Variants in CDK19 observed in about 807,000 individuals in gnomAD.
The protein encoded by CDK19 is cyclin dependent kinase 19.
CDK19 carries 20 observed loss-of-function variants against 68.3 expected under a neutral mutation model. That is an observed-to-expected ratio of 0.29 (90% CI 0.21 to 0.43). The LOEUF is 0.43. Ranked by LOEUF, CDK19 falls within the 20% of genes least tolerant of loss-of-function variation. The pLI is 1.00. For synonymous variants in CDK19, 221 were observed against 222.8 expected, an observed-to-expected ratio of 0.99 and a Z score of 0.07; for missense variants, 339 against 623.5, an observed-to-expected ratio of 0.54 and a Z score of 4.86.
intron 1 of CDK19, among the ~76,000 whole-genome samples, chr6:110,802,195 G>A (rs947354563): frequency 1.3e-5 from 2 of 152,076 alleles, no homozygotes; most frequent in Non-Finnish European, 2.9e-5. Context: ...CTACCCAGAG[G>A]AAAAGAAATC....
At chr6:110,615,399 A>G (rs1778250284) in intron 12 of CDK19, among the ~76,000 whole-genome samples, 1 of 152,216 alleles carries the variant, frequency 6.6e-6, no homozygotes, top group African/African-American at 2.4e-5. Flanking sequence ...TCATCTATAG[A>G]ATAAGAACAG....
intron 2 of CDK19, among the ~76,000 whole-genome samples, chr6:110,743,116 C>T (rs965684421): frequency 2.0e-5 from 3 of 152,070 alleles, no homozygotes; most frequent in Admixed American, 6.6e-5. Context: ...AAAGAACATA[C>T]GTTGAAATAT....
At chr6:110,672,718 T>C (rs1322436806) in intron 2 of CDK19, among the ~76,000 whole-genome samples, 1 of 152,244 alleles carries the variant, frequency 6.6e-6, no homozygotes, top group Non-Finnish European at 1.5e-5. Context: ...GCACTTTGTT[T>C]GTTTTCTTAC....
At chr6:110,713,508 G>A (rs1421482038) in intron 2 of CDK19, among the ~76,000 whole-genome samples, 2 of 141,920 alleles carry the variant, frequency 1.4e-5, no homozygotes, top group Non-Finnish European at 3.0e-5. Context: ...CTGGGCTCAA[G>A]TGATCCTCTT....
intron 2 of CDK19, among the ~76,000 whole-genome samples, chr6:110,714,245 G>A (rs1487262961): frequency 6.6e-6 from 1 of 152,210 alleles, no homozygotes; most frequent in East Asian, 1.9e-4. Context: ...GTTCATCCAT[G>A]TGTGGCCAGT....
At chr6:110,659,592 A>T (rs1218777399) in intron 4 of CDK19, among the ~76,000 whole-genome samples, 1 of 152,246 alleles carries the variant, frequency 6.6e-6, no homozygotes, top group Admixed American at 6.5e-5. Flanking sequence ...TACTAGTGAT[A>T]AGCACAGGCC....
At chr6:110,692,855 G>A (rs1020133557) in intron 2 of CDK19, among the ~76,000 whole-genome samples, 2 of 152,128 alleles carry the variant, frequency 1.3e-5, no homozygotes, top group African/African-American at 4.8e-5. Flanking sequence ...ACATTAGCCA[G>A]ACATGTTGGT....
intron 2 of CDK19, chr6:110,706,380 A>G (rs1774474358): frequency 6.8e-6 from 1 of 147,820 alleles, no homozygotes; most frequent in African/African-American, 2.5e-5. Flanking sequence ...CAACAATGTC[A>G]ACAGCATGCT....
chr6:110,785,192 A>G (rs983327169), intron 1 of CDK19, among the ~76,000 whole-genome samples: 2 of 152,140 alleles, frequency 1.3e-5, no homozygotes, highest in Non-Finnish European at 2.9e-5. Context: ...GTACATTCTG[A>G]CAATTTTTGA....
intron 2 of CDK19, among the ~76,000 whole-genome samples, chr6:110,705,944 T>C (rs1431832308): frequency 2.6e-5 from 4 of 152,158 alleles, no homozygotes; most frequent in Non-Finnish European, 5.9e-5. Context: ...CATGTATACC[T>C]ATGTAATAAA....
intron 4 of CDK19, among the ~76,000 whole-genome samples, chr6:110,648,171 A>C (rs1780728779): frequency 1.3e-5 from 2 of 152,224 alleles, no homozygotes; most frequent in Admixed American, 1.3e-4. Context: ...GCCTACTATC[A>C]CCACTTATAA....
chr6:110,697,375 C>T (rs912490634), intron 2 of CDK19, among the ~76,000 whole-genome samples: 8 of 151,986 alleles, frequency 5.3e-5, no homozygotes, highest in African/African-American at 1.4e-4. Flanking sequence ...GAACTCAACC[C>T]CTTTTATAAC....
intron 2 of CDK19, among the ~76,000 whole-genome samples, chr6:110,697,058 CAAAAA>C (rs747444458): frequency 9.1e-6 from 1 of 109,380 alleles, no homozygotes; most frequent in Admixed American, 9.6e-5. Context: ...AACTCCATCT[CAAAAA>C]AAAAAAAAAA....
intron 2 of CDK19, among the ~76,000 whole-genome samples, chr6:110,676,290 A>C (rs1314890385): frequency 6.6e-6 from 1 of 151,954 alleles, no homozygotes; most frequent in Non-Finnish European, 1.5e-5. Context: ...GTTGCTTCTT[A>C]TGGATGGGCA....
At chr6:110,775,757 T>C (rs1780353595) in intron 1 of CDK19, among the ~76,000 whole-genome samples, 1 of 152,214 alleles carries the variant, frequency 6.6e-6, no homozygotes, top group Non-Finnish European at 1.5e-5. Context: ...GAGAGAGGCA[T>C]ATTATCTTCA....
intron 2 of CDK19, among the ~76,000 whole-genome samples, chr6:110,679,294 T>C (rs1771802306): frequency 6.7e-6 from 1 of 150,098 alleles, no homozygotes; most frequent in South Asian, 2.1e-4. Context: ...CCAGCCTGGG[T>C]GACAGAGTGA....
chr6:110,664,337 A>G (rs1781790586), intron 4 of CDK19, among the ~76,000 whole-genome samples: 2 of 152,166 alleles, frequency 1.3e-5, no homozygotes. Context: ...TCCCCTACTC[A>G]GAAGCTCTTC....
chr6:110,660,002 G>A (rs2114347453), intron 4 of CDK19, among the ~76,000 whole-genome samples: 1 of 152,122 alleles, frequency 6.6e-6, no homozygotes, highest in East Asian at 1.9e-4. Context: ...TTTAATTTTT[G>A]CTCTGTTTTG....
At chr6:110,650,521 A>C (rs1433823491) in intron 4 of CDK19, among the ~76,000 whole-genome samples, 3 of 152,366 alleles carry the variant, frequency 2.0e-5, no homozygotes, top group Admixed American at 6.5e-5. Context: ...AAAATAAAGC[A>C]AGGCATGGGG....
Sources: gnomAD v4.1 joint callset for allele counts (sites outside exome capture counted in the v4.1 genomes callset) on GRCh38, gnomAD v4.1.1 for gene constraint, MANE v1.5 for transcripts, NCBI Gene and HGNC (gene_info 2026-07-23, HGNC 2026-07-21) for gene names.